MAF: variants seen among roughly 807,000 people sequenced by gnomAD.
MAF encodes transcription factor Maf.
In MAF, 10 loss-of-function variants were observed where a neutral mutation model predicts 22.0. The observed-to-expected ratio is 0.45, with a 90% CI of 0.28 to 0.77. MAF has a LOEUF of 0.77. Among genes scored for constraint, MAF ranks in the 30% least tolerant of loss-of-function variants. The pLI, the probability that MAF is intolerant of heterozygous loss-of-function variation, is 0.12. For missense variants in MAF, 544 were observed against 548.4 expected, an observed-to-expected ratio of 0.99 and a Z score of 0.08; for synonymous variants, 337 against 255.8, an observed-to-expected ratio of 1.32 and a Z score of -3.03.
chr16:79,396,200 G>C, the MAF span, among the ~76,000 whole-genome samples: 2 of 152,160 alleles, frequency 1.3e-5, no homozygotes, highest in Admixed American at 1.3e-4. Context: ...TGAGGGGTGA[G>C]GGTGCCAGGA....
the MAF span, among the ~76,000 whole-genome samples, chr16:79,430,414 A>G: frequency 1.3e-5 from 2 of 152,066 alleles, no homozygotes; most frequent in East Asian, 1.9e-4. Context: ...ACAAACACCA[A>G]CTGGAAATTT....
the MAF span, among the ~76,000 whole-genome samples, chr16:79,405,957 C>A: frequency 1.3e-5 from 2 of 152,204 alleles, no homozygotes; most frequent in Non-Finnish European, 2.9e-5. Context: ...CCCACGGCTT[C>A]TTTGGCTGCA....
the MAF span, among the ~76,000 whole-genome samples, chr16:79,290,229 G>A: frequency 1.3e-5 from 2 of 152,160 alleles, no homozygotes; most frequent in Non-Finnish European, 2.9e-5. Context: ...TAAAAGAGTT[G>A]TCTCCTGGGA....
chr16:79,360,841 A>G, the MAF span, among the ~76,000 whole-genome samples: 5 of 152,182 alleles, frequency 3.3e-5, no homozygotes, highest in Admixed American at 2.0e-4. Context: ...ACTCAGGAGC[A>G]TCTACCTACC....
the MAF span, among the ~76,000 whole-genome samples, chr16:79,246,818 G>GTCAATCTGTCCA: frequency 2.7e-5 from 4 of 149,578 alleles, no homozygotes; most frequent in Non-Finnish European, 6.0e-5. Context: ...AATTGTTTGT[G>GTCAATCTGTCCA]TCCATCTGTC....
chr16:79,210,671 G>A, the MAF span, among the ~76,000 whole-genome samples: 4 of 152,200 alleles, frequency 2.6e-5, no homozygotes, highest in Non-Finnish European at 5.9e-5. Flanking sequence ...AATTAGAGAC[G>A]TGCCGACCAT....
chr16:79,581,347 C>T (rs542145063), downstream of MAF, among the ~76,000 whole-genome samples: 41 of 152,234 alleles, frequency 2.7e-4, no homozygotes, highest in Middle Eastern at 6.8e-3. Context: ...AGACTCAGCC[C>T]TTTAATTAAC....
At chr16:79,593,257 C>T (rs147353054), downstream of MAF, among the ~76,000 whole-genome samples, 6 of 152,222 alleles carry the variant, frequency 3.9e-5, no homozygotes, top group African/African-American at 1.4e-4. Context: ...GCAGCAAAAG[C>T]CTCCCAATGT....
At chr16:79,550,376 G>C in the MAF span, among the ~76,000 whole-genome samples, 1 of 151,980 alleles carries the variant, frequency 6.6e-6, no homozygotes, top group Non-Finnish European at 1.5e-5. Flanking sequence ...CACCCCTAAA[G>C]ACAGAAACTC....
chr16:79,482,028 C>A, the MAF span, among the ~76,000 whole-genome samples: 1 of 152,110 alleles, frequency 6.6e-6, no homozygotes, highest in Non-Finnish European at 1.5e-5. Context: ...ACTGCTGGGT[C>A]ATGGGATGAG....
the MAF span, among the ~76,000 whole-genome samples, chr16:79,287,144 C>G: frequency 7.0e-6 from 1 of 142,602 alleles, no homozygotes; most frequent in African/African-American, 2.6e-5. Context: ...TTTCCTTCAG[C>G]AACAACAGAA....
At chr16:79,445,560 T>C in the MAF span, among the ~76,000 whole-genome samples, 1 of 152,154 alleles carries the variant, frequency 6.6e-6, no homozygotes, top group Admixed American at 6.5e-5. Context: ...CCCCCCAAGC[T>C]CAGGTGCCCC....
At chr16:79,534,596 G>A in the MAF span, among the ~76,000 whole-genome samples, 1 of 152,114 alleles carries the variant, frequency 6.6e-6, no homozygotes, top group East Asian at 1.9e-4. Flanking sequence ...ATGGGATGGG[G>A]GGAGGGAGGA....
chr16:79,416,481 T>A, the MAF span, among the ~76,000 whole-genome samples: 1 of 138,940 alleles, frequency 7.2e-6, no homozygotes. Context: ...AAGAAGGAAG[T>A]GGTTTATGGT....
At chr16:79,247,348 T>C in the MAF span, among the ~76,000 whole-genome samples, 2 of 152,242 alleles carry the variant, frequency 1.3e-5, no homozygotes, top group East Asian at 1.9e-4. Flanking sequence ...CTTTTGATAC[T>C]GGAAGCCAGT....
chr16:79,478,644 T>C, the MAF span, among the ~76,000 whole-genome samples: 1 of 152,082 alleles, frequency 6.6e-6, no homozygotes, highest in Admixed American at 6.5e-5. Flanking sequence ...CATTCCAGTG[T>C]TCTCTCCTAG....
At chr16:79,205,785 T>C in the MAF span, 12 of 152,166 alleles carry the variant, frequency 7.9e-5, no homozygotes, top group Admixed American at 3.3e-4. Context: ...GGAATGACTG[T>C]GTTAGGAATC....
the MAF span, among the ~76,000 whole-genome samples, chr16:79,514,011 G>T: frequency 2.0e-5 from 3 of 152,036 alleles, no homozygotes; most frequent in Non-Finnish European, 2.9e-5. Flanking sequence ...CCACAAAAGA[G>T]GAACATTTAA....
the MAF span, among the ~76,000 whole-genome samples, chr16:79,402,968 G>A: frequency 0.54 from 82,502 of 151,634 alleles, 22,834 homozygotes; most frequent in East Asian, 0.74. Flanking sequence ...GCCCACCCAT[G>A]GTTACCCTGT....
Sources: allele counts gnomAD v4.1 joint callset (sites outside exome capture counted in the v4.1 genomes callset), GRCh38; gene constraint gnomAD v4.1.1; transcripts MANE v1.5; gene names NCBI Gene and HGNC (gene_info 2026-07-23, HGNC 2026-07-21).